SGCZ: variants seen among roughly 807,000 people sequenced by gnomAD.
SGCZ encodes sarcoglycan zeta.
In SGCZ, 40 loss-of-function variants were observed where a neutral mutation model predicts 41.3. The observed-to-expected ratio is 0.97, with a 90% CI of 0.75 to 1.26. The LOEUF (loss-of-function observed/expected upper bound fraction) is 1.26. SGCZ is among the 50% of genes most tolerant of loss of function. The pLI is 0.00. For synonymous variants in SGCZ, 206 were observed against 137.5 expected (o/e 1.50, Z -3.49); for missense variants, 552 against 369.8 (o/e 1.49, Z -4.04).
At chr8:15,059,379 C>G (rs1804834862) in intron 1 of SGCZ, among the ~76,000 whole-genome samples, 1 of 152,080 alleles carries the variant, frequency 6.6e-6, no homozygotes, top group African/African-American at 2.4e-5. Context: ...GCGGATATGT[C>G]ATTAAAATAA....
chr8:14,645,482 A>ATATATATATATATATT (rs1458302869), intron 1 of SGCZ, among the ~76,000 whole-genome samples: 20 of 106,988 alleles, frequency 1.9e-4, no homozygotes, highest in African/African-American at 5.1e-4. Context: ...ATATATTTAT[A>ATATATATATATATATT]TGTATATATA....
At chr8:14,805,511 A>G (rs536123728) in intron 1 of SGCZ, among the ~76,000 whole-genome samples, 2 of 137,970 alleles carry the variant, frequency 1.4e-5, no homozygotes, top group African/African-American at 5.0e-5. Context: ...AAAGGGATCA[A>G]TTCAACAAGA....
chr8:14,494,336 T>A (rs953019048), intron 2 of SGCZ, among the ~76,000 whole-genome samples: 1 of 152,158 alleles, frequency 6.6e-6, no homozygotes. Flanking sequence ...ATAGGGTGGC[T>A]CAGCCCGGCT....
In SGCZ at chr8:14,983,151, C is replaced by T. The variant is rs191252528; in HGVS notation, c.39+254434G>A. ...ATTATGTACCTGCTGGTGCTTATTTCATTGTATTCGGTGCTGTCACTCCTT... is the reference window on the plus strand; with the variant it reads ...ATTATGTACCTGCTGGTGCTTATTTTATTGTATTCGGTGCTGTCACTCCTT... On this transcript the variant is annotated intron_variant, in intron 1 of 7. Transcript: ENST00000382080. 2.4e-4 allele frequency among the ~76,000 whole-genome samples: 37 copies of T among 151,442 alleles called. No homozygotes were observed. In the East Asian group the frequency reaches 6.9e-3, roughly 28 times the overall value.
intron 1 of SGCZ, among the ~76,000 whole-genome samples, chr8:15,147,656 A>G (rs1056076529): frequency 2.0e-5 from 3 of 152,156 alleles, no homozygotes; most frequent in African/African-American, 7.2e-5. Context: ...TGTAGAATGC[A>G]TGAGGAAAAA....
At chr8:14,420,523 G>C (rs17301830) in intron 2 of SGCZ, among the ~76,000 whole-genome samples, 31,496 of 151,996 alleles carry the variant, frequency 0.21, 3,861 homozygotes, top group Non-Finnish European at 0.29. Context: ...ACATTTTCAA[G>C]ATTTTTCTTA....
chr8:14,490,286 C>A (rs1367648556), intron 2 of SGCZ, among the ~76,000 whole-genome samples: 1 of 152,174 alleles, frequency 6.6e-6, no homozygotes, highest in African/African-American at 2.4e-5. Flanking sequence ...CTTTCTCCTG[C>A]TTCTTGCTCA....
rs147822118 is a variant in SGCZ, at chr8:14,410,613, G to A, written c.235-86409C>T. ...ATCACATACTGGGGCCTGTCGTGGGGTGGTGGACAAGGGGAGGGAGAGCAT... is the reference window on the plus strand; with the variant it reads ...ATCACATACTGGGGCCTGTCGTGGGATGGTGGACAAGGGGAGGGAGAGCAT... On this transcript the variant is annotated intron_variant, in intron 2 of 7. Coordinates refer to ENST00000382080, the MANE Select transcript of SGCZ (RefSeq NM_139167.4). Among the ~76,000 whole-genome samples, 39 of 152,022 alleles carry A rather than the reference G, an allele frequency of 2.6e-4. No homozygotes were observed. In the East Asian group the frequency reaches 6.8e-3, roughly 26 times the overall value.
intron 1 of SGCZ, among the ~76,000 whole-genome samples, chr8:14,821,592 T>C (rs760087232): frequency 1.3e-5 from 2 of 152,112 alleles, no homozygotes; most frequent in Admixed American, 6.5e-5. Flanking sequence ...CCAAATCCAA[T>C]AGCACATTAA....
intron 2 of SGCZ, among the ~76,000 whole-genome samples, chr8:14,391,750 A>C (rs1409728748): frequency 1.3e-5 from 2 of 152,154 alleles, no homozygotes; most frequent in Admixed American, 1.3e-4. Context: ...AAGACTGGGT[A>C]ATTTATAAAG....
intron 2 of SGCZ, among the ~76,000 whole-genome samples, chr8:14,426,313 G>C (rs775086128): frequency 7.2e-5 from 11 of 152,080 alleles, no homozygotes; most frequent in Non-Finnish European, 1.3e-4. Context: ...AATTGCCAGA[G>C]TGAAGGAAGC....
At chr8:14,770,779 A>T (rs1800210448) in intron 1 of SGCZ, among the ~76,000 whole-genome samples, 1 of 152,148 alleles carries the variant, frequency 6.6e-6, no homozygotes, top group African/African-American at 2.4e-5. Context: ...AAACACATAA[A>T]CTAATGATAT....
chr8:15,066,291 G>A (rs1805142060), intron 1 of SGCZ, among the ~76,000 whole-genome samples: 1 of 148,162 alleles, frequency 6.7e-6, no homozygotes, highest in East Asian at 2.0e-4. Context: ...GTCCGGCCTG[G>A]GCGACAGAGC....
intron 1 of SGCZ, among the ~76,000 whole-genome samples, chr8:15,160,842 T>C (rs970228280): frequency 1.3e-5 from 2 of 152,128 alleles, no homozygotes; most frequent in Non-Finnish European, 2.9e-5. Flanking sequence ...CTCCATTCTG[T>C]CTATTCTCAA....
intron 1 of SGCZ, among the ~76,000 whole-genome samples, chr8:15,229,102 G>C (rs553974824): frequency 6.6e-6 from 1 of 152,132 alleles, no homozygotes; most frequent in African/African-American, 2.4e-5. Context: ...TGAGGTGGGA[G>C]AATCGCTTGA....
intron 1 of SGCZ, among the ~76,000 whole-genome samples, chr8:14,952,490 G>A (rs35425802): frequency 2.0e-5 from 3 of 152,096 alleles, no homozygotes; most frequent in South Asian, 4.1e-4. Context: ...TCCATCACTA[G>A]GGAGGCATCA....
chr8:14,386,827 A>C (rs1804595753), intron 2 of SGCZ, among the ~76,000 whole-genome samples: 1 of 152,228 alleles, frequency 6.6e-6, no homozygotes, highest in Admixed American at 6.5e-5. Flanking sequence ...AGTTGTGTGT[A>C]TATTTTAATA....
At chr8:14,934,710 A>G (rs1299491914) in intron 1 of SGCZ, among the ~76,000 whole-genome samples, 1 of 151,788 alleles carries the variant, frequency 6.6e-6, no homozygotes, top group Non-Finnish European at 1.5e-5. Context: ...TTTTAAAGTG[A>G]TGAAAGATAT....
At chr8:14,112,919 T>G in intron 5 of SGCZ, among the ~76,000 whole-genome samples, 1 of 142,814 alleles carries the variant, frequency 7.0e-6, no homozygotes, top group East Asian at 1.9e-4. Context: ...GGAGTAACAA[T>G]ACTGGAAAAA....
Sources: allele counts gnomAD v4.1 joint callset (sites outside exome capture counted in the v4.1 genomes callset), GRCh38; gene constraint gnomAD v4.1.1; transcripts MANE v1.5; gene names NCBI Gene and HGNC (gene_info 2026-07-23, HGNC 2026-07-21).